LRP5: variants seen among roughly 807,000 people sequenced by gnomAD.
The protein encoded by LRP5 is LDL receptor related protein 5.
LRP5 carries 62 observed loss-of-function variants against 154.1 expected under a neutral mutation model. That is an observed-to-expected ratio of 0.40 (90% CI 0.33 to 0.50). The LOEUF (loss-of-function observed/expected upper bound fraction) is 0.50. LRP5 is among the 20% of genes least tolerant of loss of function. The pLI is 0.55. For synonymous variants in LRP5, 966 were observed against 1,011.5 expected, an observed-to-expected ratio of 0.96 and a Z score of 0.85; for missense variants, 1,915 against 2,336.7, an observed-to-expected ratio of 0.82 and a Z score of 3.72.
At chr11:68,384,663 G>A (rs575730629) in intron 5 of LRP5, among the ~76,000 whole-genome samples, 231 of 152,252 alleles carry the variant, frequency 1.5e-3, no homozygotes, top group African/African-American at 5.3e-3. Flanking sequence ...ATCCAAACTG[G>A]GGGTCCTAGG....
At chr11:68,411,082 TGTGTCCATCCTGGTTTCTGCC>T (rs975785810) in intron 10 of LRP5, among the ~76,000 whole-genome samples, 2 of 152,170 alleles carry the variant, frequency 1.3e-5, no homozygotes, top group African/African-American at 4.8e-5. Context: ...GTGATGTGCT[TGTGTCCATCCTGGTTTCTGCC>T]GTGTCCCCAA....
At chr11:68,405,207 C>T (rs1203307905) in intron 8 of LRP5, among the ~76,000 whole-genome samples, 2 of 151,594 alleles carry the variant, frequency 1.3e-5, no homozygotes, top group Admixed American at 1.3e-4. Context: ...TGGCTCATGC[C>T]TGAAATCCCA....
rs1370696786 is a variant in LRP5, at chr11:68,353,711, C to T, written c.489-3939C>T. Among the ~76,000 whole-genome samples the T allele has an allele frequency of 6.6e-6, 1 of 152,294 alleles. No homozygotes were observed. The highest frequency in any genetic ancestry group is 2.4e-5 in the African/African-American group (1 of 41,554). On this transcript the variant is annotated intron_variant, in intron 2 of 22. Transcript: ENST00000294304. This position sits in a 1 kb window ranked among gnomAD's most constrained non-coding sequence, Gnocchi z 4.5. The stretch of plus-strand genomic sequence containing the variant: ...TGTGCCCTCCTGCAGTGCTGTCCCC[C>T]ACCAGGGTCCTTCCTCAGAGGAGGG...
At chr11:68,343,895 A>G (rs2098610603) in intron 1 of LRP5, among the ~76,000 whole-genome samples, 5 of 152,012 alleles carry the variant, frequency 3.3e-5, no homozygotes, top group Admixed American at 3.3e-4. Flanking sequence ...ACTCCCCTGA[A>G]TGTGCCGGGG....
intron 17 of LRP5, among the ~76,000 whole-genome samples, chr11:68,430,676 G>A (rs2098671391): frequency 6.6e-6 from 1 of 152,172 alleles, no homozygotes. Flanking sequence ...TGACAGGGGT[G>A]TGGAGTCTCC....
At position 68,353,163 on chromosome 11, in the gene LRP5, C is replaced by T. The variant is rs545209560; in HGVS notation, c.489-4487C>T. On this transcript the variant is annotated intron_variant, in intron 2 of 22. Coordinates refer to ENST00000294304, the MANE Select transcript of LRP5 (RefSeq NM_002335.4). The surrounding 1 kb of genome is among the most constrained non-coding windows in gnomAD (Gnocchi z 4.5). Reference sequence around the variant, plus strand: ...TTTTCTTAACTATTTGAAATGGTTCCTTTACATGCTTGCCTCTGAATTCTC... The same window carrying T: ...TTTTCTTAACTATTTGAAATGGTTCTTTTACATGCTTGCCTCTGAATTCTC... Among the ~76,000 whole-genome samples the T allele has an allele frequency of 6.6e-6, 1 of 152,282 alleles. No individual in the cohort carries two copies. The highest frequency in any genetic ancestry group is 2.4e-5 in the African/African-American group (1 of 41,554).
intron 20 of LRP5, among the ~76,000 whole-genome samples, chr11:68,438,943 T>C (rs2098676585): frequency 1.3e-5 from 2 of 152,204 alleles, no homozygotes; most frequent in South Asian, 4.1e-4. Flanking sequence ...ACCTTCATAT[T>C]CTAGTAGGAC....
At chr11:68,420,997 C>T (rs979573844) in intron 13 of LRP5, among the ~76,000 whole-genome samples, 3 of 152,050 alleles carry the variant, frequency 2.0e-5, no homozygotes, top group African/African-American at 2.4e-5. Context: ...GAGGCCAGGG[C>T]GGGCGGATCA....
intron 5 of LRP5, among the ~76,000 whole-genome samples, chr11:68,371,068 G>A (rs1262391505): frequency 6.6e-6 from 1 of 152,196 alleles, no homozygotes; most frequent in African/African-American, 2.4e-5. Flanking sequence ...CTGGTGCTCG[G>A]TGTGGATGCT....
At chr11:68,303,826 G>A in the LRP5 span, among the ~76,000 whole-genome samples, 2 of 152,164 alleles carry the variant, frequency 1.3e-5, no homozygotes, top group Non-Finnish European at 2.9e-5. Flanking sequence ...TTCAAGATGT[G>A]GCCCAGCTTC....
chr11:68,339,137 G>T (rs566796374), intron 1 of LRP5, among the ~76,000 whole-genome samples: 7 of 151,934 alleles, frequency 4.6e-5, no homozygotes, highest in Admixed American at 2.6e-4. Flanking sequence ...GCTTCCCAAA[G>T]TGTTGGCATT....
chr11:68,404,060 C>T, intron 8 of LRP5: 1 of 441,996 alleles, frequency 2.3e-6, no homozygotes, highest in East Asian at 4.2e-5. Flanking sequence ...GTGCAACTCA[C>T]AGGTGCCAAG....
intron 13 of LRP5, among the ~76,000 whole-genome samples, chr11:68,421,096 G>A (rs367831346): frequency 3.9e-5 from 6 of 151,992 alleles, no homozygotes; most frequent in African/African-American, 9.7e-5. Context: ...GTGTGGTGGC[G>A]GGCACCTGTA....
At chr11:68,380,734 T>C (rs1334043452) in intron 5 of LRP5, among the ~76,000 whole-genome samples, 1 of 152,184 alleles carries the variant, frequency 6.6e-6, no homozygotes, top group Non-Finnish European at 1.5e-5. Context: ...GTGCCAATGC[T>C]GGTGGGTGCC....
At chr11:68,342,112 G>T (rs541104950) in intron 1 of LRP5, among the ~76,000 whole-genome samples, 2 of 150,816 alleles carry the variant, frequency 1.3e-5, no homozygotes, top group Non-Finnish European at 3.0e-5. Flanking sequence ...TTTTTGTAGA[G>T]ATGCGGTCTT....
At position 68,406,768 on chromosome 11, in the gene LRP5, T is replaced by A; in HGVS notation, c.2046T>A (p.Phe682Leu). 6.2e-7 allele frequency: 1 copy of A among 1,614,118 alleles called. No individual in the cohort carries two copies. The highest frequency in any genetic ancestry group is 1.1e-5 in the South Asian group (1 of 91,078). Reference sequence around the variant, plus strand: ...TCAAGGAGGCCTCAGCCCTGGACTTTGATGTGTCCAACAACCACATCTACT... The same window carrying A: ...TCAAGGAGGCCTCAGCCCTGGACTTAGATGTGTCCAACAACCACATCTACT... ...TGVKEASALD[F>L]DVSNNHIYWT... Residue 682 changes from phenylalanine to leucine, a missense_variant, in exon 9 of 23, where the codon TTT becomes TTA. Phe to Leu is a conservative substitution (Grantham distance 22, BLOSUM62 0). This residue lies in a region of LRP5 where 773 missense variants were observed against 1,100.9 expected (regional missense o/e 0.70). Coordinates refer to ENST00000294304, the MANE Select transcript of LRP5 (RefSeq NM_002335.4).
intron 7 of LRP5, among the ~76,000 whole-genome samples, chr11:68,392,045 G>A (rs1183615671): frequency 6.6e-6 from 1 of 151,934 alleles, no homozygotes; most frequent in Non-Finnish European, 1.5e-5. Flanking sequence ...ATGGGGTTTC[G>A]CTGTGGTGCC....
chr11:68,409,075 T>A lies in LRP5; in HGVS notation c.2092-839T>A, dbSNP rs28586881. On this transcript the variant is annotated intron_variant, in intron 9 of 22. Coordinates refer to ENST00000294304, the MANE Select transcript of LRP5 (RefSeq NM_002335.4). ...GGAAAAAAAAAAAAAAAAAAAAAAA[T>A]ATATATATATATATATATATACACA... Among the ~76,000 whole-genome samples the A allele has an allele frequency of 6.2e-3, 207 of 33,236 alleles. 2 individuals are homozygous for A. Among genetic ancestry groups the A allele is most frequent in the South Asian group, 0.054 (42 of 780 alleles). 21.8% of individuals were successfully genotyped at this position (33,236 alleles called of 152,430 possible). A position where few individuals can be genotyped will look rare whatever the true frequency, so the allele number is the denominator to read the frequency against.
At chr11:68,344,380 G>A (rs546094505) in intron 1 of LRP5, among the ~76,000 whole-genome samples, 5 of 152,038 alleles carry the variant, frequency 3.3e-5, no homozygotes, top group Admixed American at 2.6e-4. Context: ...GTGCAATGGG[G>A]TGACCTCAGC....
Sources: gnomAD v4.1 joint callset for allele counts (sites outside exome capture counted in the v4.1 genomes callset) on GRCh38, gnomAD v4.1.1 for gene constraint, gnomAD v4.1.1 regional missense constraint, Gnocchi (gnomAD v3.1) non-coding constraint, MANE v1.5 for transcripts, NCBI Gene and HGNC (gene_info 2026-07-23, HGNC 2026-07-21) for gene names.